TAS2R1: variants seen among roughly 807,000 people sequenced by gnomAD.
The protein encoded by TAS2R1 is taste 2 receptor member 1.
For synonymous variants in TAS2R1, 141 were observed against 134.2 expected, an observed-to-expected ratio of 1.05 and a Z score of -0.35; for missense variants, 370 against 353.4, an observed-to-expected ratio of 1.05 and a Z score of -0.38.
chr5:9,698,084 C>T (rs1218494621), intron 1 of TAS2R1, among the ~76,000 whole-genome samples: 1 of 152,066 alleles, frequency 6.6e-6, no homozygotes, highest in African/African-American at 2.4e-5. Flanking sequence ...GATATTTTCA[C>T]AAACATTAGT....
chr5:9,710,894 C>CAT (rs1358503774), intron 1 of TAS2R1, among the ~76,000 whole-genome samples: 6 of 100,222 alleles, frequency 6.0e-5, no homozygotes, highest in African/African-American at 9.6e-5. Flanking sequence ...CACACACACA[C>CAT]ACATATATAT....
chr5:9,894,330 G>A, the TAS2R1 span, among the ~76,000 whole-genome samples: 2 of 152,000 alleles, frequency 1.3e-5, no homozygotes, highest in African/African-American at 2.4e-5. Flanking sequence ...CTTGAACCTG[G>A]GAAGTGGAGG....
intron 2 of TAS2R1, among the ~76,000 whole-genome samples, chr5:9,636,959 T>C (rs1343009810): frequency 1.4e-5 from 2 of 146,442 alleles, no homozygotes; most frequent in Non-Finnish European, 3.0e-5. Flanking sequence ...TTCTATTCAT[T>C]GTGCTAGTTG....
At chr5:9,853,988 A>AG in the TAS2R1 span, among the ~76,000 whole-genome samples, 3 of 152,324 alleles carry the variant, frequency 2.0e-5, no homozygotes, top group African/African-American at 7.2e-5. Context: ...CTAGTTTGCT[A>AG]GAGCTGCTGT....
chr5:9,781,966 T>C, the TAS2R1 span, among the ~76,000 whole-genome samples: 1 of 152,224 alleles, frequency 6.6e-6, no homozygotes, highest in African/African-American at 2.4e-5. Flanking sequence ...AAAATGGGGA[T>C]AGATGTCTTT....
the TAS2R1 span, among the ~76,000 whole-genome samples, chr5:9,854,802 G>A: frequency 6.6e-6 from 1 of 152,142 alleles, no homozygotes; most frequent in Non-Finnish European, 1.5e-5. Flanking sequence ...CTCATCCCAT[G>A]AATAAAGGCC....
At chr5:9,701,293 T>A (rs1288053684) in intron 1 of TAS2R1, among the ~76,000 whole-genome samples, 1 of 151,098 alleles carries the variant, frequency 6.6e-6, no homozygotes, top group East Asian at 1.9e-4. Context: ...ATCATATTCA[T>A]CTGTTTCTTC....
chr5:9,858,333 T>C, the TAS2R1 span, among the ~76,000 whole-genome samples: 1 of 152,138 alleles, frequency 6.6e-6, no homozygotes, highest in Non-Finnish European at 1.5e-5. Flanking sequence ...GCAGGCCCAG[T>C]GTTGGCATCC....
At chr5:9,867,914 T>A in the TAS2R1 span, among the ~76,000 whole-genome samples, 1 of 152,212 alleles carries the variant, frequency 6.6e-6, no homozygotes, top group African/African-American at 2.4e-5. Flanking sequence ...ACAGGCCCCA[T>A]GCAAGTGTGA....
chr5:9,821,320 C>G, the TAS2R1 span, among the ~76,000 whole-genome samples: 3 of 152,176 alleles, frequency 2.0e-5, no homozygotes, highest in Non-Finnish European at 1.5e-5. Flanking sequence ...ACCACCACCC[C>G]CTTCTTCTTC....
upstream of TAS2R1, among the ~76,000 whole-genome samples, chr5:9,632,797 C>T (rs572883761): frequency 2.0e-5 from 3 of 152,206 alleles, no homozygotes; most frequent in Non-Finnish European, 2.9e-5. Flanking sequence ...ACCACATCTC[C>T]GGCTATTTCC....
chr5:9,654,039 C>A (rs756185677), intron 2 of TAS2R1, among the ~76,000 whole-genome samples: 2 of 152,006 alleles, frequency 1.3e-5, no homozygotes, highest in Admixed American at 6.6e-5. Context: ...GCTCTGGTGG[C>A]GTGCCATGAG....
the TAS2R1 span, among the ~76,000 whole-genome samples, chr5:9,862,296 G>C: frequency 6.6e-6 from 1 of 152,160 alleles, no homozygotes; most frequent in Non-Finnish European, 1.5e-5. Flanking sequence ...TTTGCGCTTT[G>C]AGAGCAAACC....
At chr5:9,719,892 T>G in the TAS2R1 span, among the ~76,000 whole-genome samples, 1 of 126,428 alleles carries the variant, frequency 7.9e-6, no homozygotes, top group Non-Finnish European at 1.6e-5. Flanking sequence ...CACTCCAGCC[T>G]GGGCGACAGA....
chr5:9,763,572 A>G, the TAS2R1 span, among the ~76,000 whole-genome samples: 1 of 152,206 alleles, frequency 6.6e-6, no homozygotes, highest in Admixed American at 6.5e-5. Context: ...CTGTGACTCC[A>G]TGAATGGGAA....
chr5:9,690,772 T>C (rs1741233474), intron 1 of TAS2R1, among the ~76,000 whole-genome samples: 1 of 152,078 alleles, frequency 6.6e-6, no homozygotes, highest in African/African-American at 2.4e-5. Flanking sequence ...GCAACAGTTT[T>C]CATGCTAAAA....
chr5:9,742,544 C>T, the TAS2R1 span, among the ~76,000 whole-genome samples: 9 of 152,152 alleles, frequency 5.9e-5, no homozygotes, highest in Non-Finnish European at 1.0e-4. Flanking sequence ...TATCTTTGAA[C>T]CTGACTCTAC....
At chr5:9,847,865 A>G in the TAS2R1 span, among the ~76,000 whole-genome samples, 2 of 152,210 alleles carry the variant, frequency 1.3e-5, no homozygotes, top group African/African-American at 4.8e-5. Flanking sequence ...GGCACCAACT[A>G]CTTCCCCAAC....
chr5:9,637,021 C>A (rs1194334410), intron 2 of TAS2R1, among the ~76,000 whole-genome samples: 1 of 151,514 alleles, frequency 6.6e-6, no homozygotes, highest in African/African-American at 2.4e-5. Flanking sequence ...TTTTATAGGC[C>A]CTGTGAGATT....
Sources: allele counts gnomAD v4.1 joint callset (sites outside exome capture counted in the v4.1 genomes callset), GRCh38; gene constraint gnomAD v4.1.1; transcripts MANE v1.5; gene names NCBI Gene and HGNC (gene_info 2026-07-23, HGNC 2026-07-21).